OPCML: variants seen among roughly 807,000 people sequenced by gnomAD.
OPCML encodes the protein opioid-binding protein/cell adhesion molecule.
A neutral mutation model predicts 37.8 loss-of-function variants in OPCML; 13 were observed. The ratio of observed to expected loss-of-function variants is 0.34; its 90% CI spans 0.22 to 0.55. The LOEUF (loss-of-function observed/expected upper bound fraction) is 0.55, where lower values mean the gene tolerates loss of function less well. Ranked by LOEUF, OPCML falls within the 20% of genes least tolerant of loss-of-function variation. OPCML has a pLI of 0.91. For missense variants in OPCML, 341 were observed against 435.6 expected (o/e 0.78, Z 1.93); for synonymous variants, 176 against 168.8 (o/e 1.04, Z -0.33).
intron 1 of OPCML, among the ~76,000 whole-genome samples, chr11:133,474,183 T>C (rs1015975035): frequency 6.6e-5 from 10 of 152,234 alleles, no homozygotes; most frequent in African/African-American, 2.2e-4. Flanking sequence ...TAATATTCCT[T>C]GAGGGCTCTT....
chr11:133,329,503 A>G (rs1234115242), intron 1 of OPCML, among the ~76,000 whole-genome samples: 15 of 152,224 alleles, frequency 9.9e-5, no homozygotes, highest in Admixed American at 9.8e-4. Flanking sequence ...CCAATGGAAC[A>G]GAACAGAGTC....
intron 2 of OPCML, among the ~76,000 whole-genome samples, chr11:132,858,832 G>T (rs1005613741): frequency 6.6e-6 from 1 of 152,142 alleles, no homozygotes; most frequent in African/African-American, 2.4e-5. Context: ...GGGTCCTTGT[G>T]ATTATTTCAT....
Position 133,096,389 on chromosome 11 carries a change from G to A in OPCML, c.62-153379C>T, listed in dbSNP as rs941561397. Among the ~76,000 whole-genome samples, 6 of 151,866 alleles carry A rather than the reference G, an allele frequency of 4.0e-5. No homozygotes were observed. In the East Asian group the frequency reaches 7.7e-4, roughly 20 times the overall value. On this transcript the variant is annotated intron_variant, in intron 1 of 7. Transcript: ENST00000524381. The stretch of plus-strand genomic sequence containing the variant: ...AAAGTACAATTGAAATGCTAAGAAG[G>A]TGGTAGGAGAGAAAATGAGATTATG...
At chr11:133,056,100 A>G (rs1948233135) in intron 1 of OPCML, among the ~76,000 whole-genome samples, 1 of 152,282 alleles carries the variant, frequency 6.6e-6, no homozygotes, top group African/African-American at 2.4e-5. Flanking sequence ...ATGACTCAAA[A>G]GGCCCAGTTA....
chr11:133,210,390 G>A (rs950085400), intron 1 of OPCML, among the ~76,000 whole-genome samples: 2 of 152,036 alleles, frequency 1.3e-5, no homozygotes, highest in Non-Finnish European at 2.9e-5. Flanking sequence ...TCTCCCGCCA[G>A]CCCCTCCCTT....
At chr11:133,264,289 G>A (rs1174417645) in intron 1 of OPCML, among the ~76,000 whole-genome samples, 1 of 152,178 alleles carries the variant, frequency 6.6e-6, no homozygotes, top group African/African-American at 2.4e-5. Context: ...ACAACATATT[G>A]CAAATTATTA....
At chr11:133,337,265 T>G (rs547722960) in intron 1 of OPCML, among the ~76,000 whole-genome samples, 1 of 152,296 alleles carries the variant, frequency 6.6e-6, no homozygotes, top group African/African-American at 2.4e-5. Context: ...TGCAGACCTC[T>G]CTGTAAAGCT....
rs112105710 is a variant in OPCML, at chr11:132,668,858, A to C, written c.147-11539T>G. On this transcript the variant is annotated intron_variant, in intron 2 of 7. Transcript: ENST00000524381. ...AGTAACATTTTCTGTTTTTTCAAAAATGTCTTACTCTCCAGAAGTGTTCTA... is the reference window on the plus strand; with the variant it reads ...AGTAACATTTTCTGTTTTTTCAAAACTGTCTTACTCTCCAGAAGTGTTCTA... 1.7e-3 allele frequency among the ~76,000 whole-genome samples: 262 copies of C among 152,216 alleles called. 1 individual carries two copies. The highest frequency in any genetic ancestry group is 6.0e-3 in the African/African-American group (251 of 41,544).
At chr11:132,664,641 A>G (rs1227867192) in intron 2 of OPCML, among the ~76,000 whole-genome samples, 3 of 152,230 alleles carry the variant, frequency 2.0e-5, no homozygotes, top group Non-Finnish European at 4.4e-5. Context: ...CAGGCAAGCC[A>G]AAATGAAATA....
intron 3 of OPCML, among the ~76,000 whole-genome samples, chr11:132,649,268 G>GT (rs926541456): frequency 7.0e-4 from 106 of 150,668 alleles, no homozygotes; most frequent in South Asian, 2.8e-3. Flanking sequence ...GGAGAAATCT[G>GT]TTTTTTTTTC....
At chr11:132,448,302 C>G (rs1395360980) in intron 4 of OPCML, among the ~76,000 whole-genome samples, 1 of 152,224 alleles carries the variant, frequency 6.6e-6, no homozygotes, top group Admixed American at 6.5e-5. Flanking sequence ...TGCCAACCAT[C>G]AGCATTCATC....
At chr11:133,261,585 C>T (rs537087065) in intron 1 of OPCML, among the ~76,000 whole-genome samples, 1 of 152,306 alleles carries the variant, frequency 6.6e-6, no homozygotes, top group South Asian at 2.1e-4. Context: ...GCGCTTTCAC[C>T]CTAGTCCTGT....
intron 2 of OPCML, among the ~76,000 whole-genome samples, chr11:132,899,880 G>A (rs1445346814): frequency 6.6e-6 from 1 of 152,070 alleles, no homozygotes; most frequent in Non-Finnish European, 1.5e-5. Flanking sequence ...CAGAACTCCA[G>A]GCTCTCTCGC....
At chr11:132,898,024 C>T (rs1943912614) in intron 2 of OPCML, among the ~76,000 whole-genome samples, 1 of 152,170 alleles carries the variant, frequency 6.6e-6, no homozygotes, top group African/African-American at 2.4e-5. Flanking sequence ...TCATCCCTGT[C>T]ATTGCCCAGT....
chr11:132,695,996 C>G (rs956243643), intron 2 of OPCML, among the ~76,000 whole-genome samples: 1 of 152,126 alleles, frequency 6.6e-6, no homozygotes, highest in Non-Finnish European at 1.5e-5. Context: ...CAACTGCACC[C>G]ACAAGTCAGT....
intron 3 of OPCML, among the ~76,000 whole-genome samples, chr11:132,653,951 A>C (rs1429916428): frequency 6.6e-6 from 1 of 152,234 alleles, no homozygotes; most frequent in South Asian, 2.1e-4. Flanking sequence ...ATTAAAGGCA[A>C]GATTAGGCCT....
At chr11:133,182,791 C>A (rs541474086) in intron 1 of OPCML, among the ~76,000 whole-genome samples, 2 of 152,290 alleles carry the variant, frequency 1.3e-5, no homozygotes, top group South Asian at 4.2e-4. Flanking sequence ...TGCCCAGGAA[C>A]GCGGTGGTGC....
chr11:132,591,575 C>T (rs997225678), intron 3 of OPCML, among the ~76,000 whole-genome samples: 3 of 152,130 alleles, frequency 2.0e-5, no homozygotes, highest in East Asian at 1.9e-4. Context: ...AATTTTAATC[C>T]TCCACTGTGC....
At chr11:132,619,622 G>A (rs1405358015) in intron 3 of OPCML, among the ~76,000 whole-genome samples, 3 of 150,582 alleles carry the variant, frequency 2.0e-5, no homozygotes, top group Non-Finnish European at 4.4e-5. Context: ...GACGGATCAC[G>A]AGGTCAGAGA....
Sources: allele counts gnomAD v4.1 joint callset (sites outside exome capture counted in the v4.1 genomes callset), GRCh38; gene constraint gnomAD v4.1.1; transcripts MANE v1.5; gene names NCBI Gene and HGNC (gene_info 2026-07-23, HGNC 2026-07-21).